BCKDHB: variants seen among roughly 807,000 people sequenced by gnomAD.
BCKDHB encodes the protein branched chain keto acid dehydrogenase E1 subunit beta.
A neutral mutation model predicts 48.5 loss-of-function variants in BCKDHB; 41 were observed. The observed-to-expected ratio is 0.85, with a 90% confidence interval of 0.66 to 1.10. BCKDHB has a LOEUF of 1.10. Among genes scored for constraint, BCKDHB ranks in the 50% least tolerant of loss-of-function variants. The pLI is 0.00. For missense variants in BCKDHB, 496 were observed against 494.2 expected (o/e 1.00, Z -0.03); for synonymous variants, 201 against 174.8 (o/e 1.15, Z -1.18).
chr6:80,216,452 T>A (rs1266200426), intron 8 of BCKDHB, among the ~76,000 whole-genome samples: 2 of 152,062 alleles, frequency 1.3e-5, no homozygotes, highest in African/African-American at 4.8e-5. Flanking sequence ...TCATTTAGCA[T>A]TTTTTTTCCT....
chr6:80,343,804 A>C lies in BCKDHB; in HGVS notation c.1179A>C (p.Ter393CysextTer4), dbSNP rs771993664. The C allele has an allele frequency of 6.2e-7, 1 of 1,613,858 alleles. No homozygotes were observed. Among genetic ancestry groups the C allele is most frequent in the Admixed American group, 1.7e-5 (1 of 59,982 alleles). Reference sequence around the variant, plus strand: ...CCCTTCGAAAAATGATCAACTATTGACCATATAGGTAGGTATGCATCTTGA... The same window carrying C: ...CCCTTCGAAAAATGATCAACTATTGCCCATATAGGTAGGTATGCATCTTGA... ...YDALRKMINY[*>C] is the part of the protein sequence containing the mutation. Residue 393 changes from the stop codon to cysteine (C), a stop_lost, in exon 10 of 10, where the codon TGA becomes TGC. Coordinates refer to ENST00000320393, the MANE Select transcript of BCKDHB (RefSeq NM_183050.4).
chr6:80,375,233 C>T, the BCKDHB span, among the ~76,000 whole-genome samples: 1 of 151,884 alleles, frequency 6.6e-6, no homozygotes, highest in Admixed American at 6.6e-5. Context: ...TGATTATTCC[C>T]TTCAATATGT....
chr6:80,247,195 A>C (rs1399266147), intron 8 of BCKDHB, among the ~76,000 whole-genome samples: 1 of 152,258 alleles, frequency 6.6e-6, no homozygotes, highest in African/African-American at 2.4e-5. Context: ...CTAATTTTTA[A>C]ATTGCTATTT....
At chr6:80,242,938 A>G (rs183927241) in intron 8 of BCKDHB, among the ~76,000 whole-genome samples, 3 of 152,326 alleles carry the variant, frequency 2.0e-5, no homozygotes, top group East Asian at 3.9e-4. Context: ...TCAGATTGCC[A>G]TCAGTAGGCT....
chr6:80,309,732 C>T (rs6454151), intron 9 of BCKDHB, among the ~76,000 whole-genome samples: 121,410 of 152,090 alleles, frequency 0.8, 48,635 homozygotes, highest in Admixed American at 0.87. Flanking sequence ...ATTTTAGTAT[C>T]GGGGTACATG....
chr6:80,453,898 C>T, the BCKDHB span, among the ~76,000 whole-genome samples: 1 of 152,124 alleles, frequency 6.6e-6, no homozygotes. Context: ...TCTTCTAATA[C>T]TGCCTAGAAT....
intron 6 of BCKDHB, among the ~76,000 whole-genome samples, chr6:80,172,872 TCTATTATAGTCTGTATCC>T (rs1432307654): frequency 6.7e-4 from 102 of 152,244 alleles, no homozygotes; most frequent in African/African-American, 2.3e-3. Context: ...TTATATGGAC[TCTATTATAGTCTGTATCC>T]CATTATGTAA....
chr6:80,284,482 T>C (rs547813186), intron 9 of BCKDHB, among the ~76,000 whole-genome samples: 9 of 53,844 alleles, frequency 1.7e-4, no homozygotes, highest in African/African-American at 5.0e-4. Context: ...TCAAGTTAAC[T>C]TAAAAAGTGA....
At chr6:80,364,345 A>G in the BCKDHB span, among the ~76,000 whole-genome samples, 501 of 152,314 alleles carry the variant, frequency 3.3e-3, 3 homozygotes, top group Admixed American at 4.7e-3. Flanking sequence ...GCCTGCAGGG[A>G]GGCACAAATC....
At chr6:80,229,534 G>T (rs771663145) in intron 8 of BCKDHB, among the ~76,000 whole-genome samples, 5 of 152,056 alleles carry the variant, frequency 3.3e-5, no homozygotes, top group Non-Finnish European at 7.4e-5. Flanking sequence ...GAACAAAATA[G>T]GGATGTCCAT....
At chr6:80,430,690 T>C in the BCKDHB span, among the ~76,000 whole-genome samples, 3 of 152,104 alleles carry the variant, frequency 2.0e-5, no homozygotes, top group Middle Eastern at 3.2e-3. Flanking sequence ...TTTTATTGCA[T>C]CTATTTGATT....
chr6:80,114,009 A>G (rs1723768704), intron 1 of BCKDHB, among the ~76,000 whole-genome samples: 2 of 152,324 alleles, frequency 1.3e-5, no homozygotes, highest in East Asian at 1.9e-4. Flanking sequence ...GAGGGGATCA[A>G]TCAAAGGTAC....
At chr6:80,126,774 C>T (rs981187892) in intron 1 of BCKDHB, among the ~76,000 whole-genome samples, 4 of 152,148 alleles carry the variant, frequency 2.6e-5, no homozygotes, top group African/African-American at 9.7e-5. Context: ...TTTCTGAATT[C>T]TAACATTTAG....
intron 9 of BCKDHB, among the ~76,000 whole-genome samples, chr6:80,317,178 T>C (rs763291679): frequency 5.3e-5 from 8 of 152,150 alleles, no homozygotes; most frequent in Non-Finnish European, 1.2e-4. Context: ...TTGACTAAAA[T>C]TCAAAGATAT....
At chr6:80,267,243 C>T (rs1484897516) in intron 8 of BCKDHB, among the ~76,000 whole-genome samples, 2 of 151,940 alleles carry the variant, frequency 1.3e-5, no homozygotes, top group Admixed American at 6.6e-5. Context: ...GTGTGTCTTC[C>T]TAAGAGAGAG....
At chr6:80,119,014 G>T (rs1769859461) in intron 1 of BCKDHB, among the ~76,000 whole-genome samples, 1 of 152,154 alleles carries the variant, frequency 6.6e-6, no homozygotes, top group South Asian at 2.1e-4. Flanking sequence ...ATGAGGCTGG[G>T]CATGGTGGCT....
chr6:80,444,876 A>G, the BCKDHB span, among the ~76,000 whole-genome samples: 1 of 152,196 alleles, frequency 6.6e-6, no homozygotes, highest in Non-Finnish European at 1.5e-5. Context: ...GCATATTCTT[A>G]TGTTGCAATA....
chr6:80,399,454 A>G, the BCKDHB span, among the ~76,000 whole-genome samples: 1 of 152,178 alleles, frequency 6.6e-6, no homozygotes, highest in African/African-American at 2.4e-5. Flanking sequence ...AACAAACACA[A>G]GAATCAAGCT....
At chr6:80,202,579 T>C (rs1774445702) in intron 7 of BCKDHB, among the ~76,000 whole-genome samples, 1 of 152,134 alleles carries the variant, frequency 6.6e-6, no homozygotes, top group Non-Finnish European at 1.5e-5. Context: ...TGCTATGGTA[T>C]GTGATACTGG....
Sources: gnomAD v4.1 joint callset for allele counts (sites outside exome capture counted in the v4.1 genomes callset) on GRCh38, gnomAD v4.1.1 for gene constraint, MANE v1.5 for transcripts, NCBI Gene and HGNC (gene_info 2026-07-23, HGNC 2026-07-21) for gene names.